The following IQCM variants were observed in gnomAD, a reference collection of about 807,000 sequenced individuals.
IQCM encodes the protein IQ motif containing M, also known as IQ domain-containing protein M.
Under a neutral mutation model 57.6 loss-of-function variants are expected in IQCM, and 45 were observed. The ratio of observed to expected loss-of-function variants is 0.78; its 90% CI spans 0.62 to 1.00. IQCM has a LOEUF of 1.00. Ranked by LOEUF, IQCM falls within the 50% of genes least tolerant of loss-of-function variation. The pLI is 0.00. For synonymous variants in IQCM, 148 were observed against 158.9 expected (o/e 0.93, Z 0.51); for missense variants, 468 against 511.6 (o/e 0.91, Z 0.82).
At chr4:149,692,441 C>A (rs1218418596) in intron 5 of IQCM, among the ~76,000 whole-genome samples, 2 of 151,882 alleles carry the variant, frequency 1.3e-5, no homozygotes, top group African/African-American at 4.8e-5. Flanking sequence ...TTTTTTAAAT[C>A]TTTATAATGA....
At chr4:149,778,173 C>G (rs1466435521) in intron 2 of IQCM, among the ~76,000 whole-genome samples, 2 of 152,116 alleles carry the variant, frequency 1.3e-5, no homozygotes, top group East Asian at 1.9e-4. Context: ...TCAGGAGATC[C>G]AGACCATCCT....
intron 2 of IQCM, among the ~76,000 whole-genome samples, chr4:149,808,662 CA>C (rs922596300): frequency 6.6e-6 from 1 of 151,956 alleles, no homozygotes; most frequent in Non-Finnish European, 1.5e-5. Context: ...CATGTATCCC[CA>C]AAATATGTAC....
At chr4:149,443,179 C>G (rs1218549199) in intron 12 of IQCM, among the ~76,000 whole-genome samples, 1 of 151,986 alleles carries the variant, frequency 6.6e-6, no homozygotes, top group Admixed American at 6.6e-5. Context: ...CAACTCATTG[C>G]ACCAGGCCTG....
chr4:149,553,612 T>TA (rs1227550374), intron 10 of IQCM, among the ~76,000 whole-genome samples: 4 of 152,210 alleles, frequency 2.6e-5, no homozygotes, highest in African/African-American at 9.6e-5. Flanking sequence ...GATGTAGTCT[T>TA]ATTAAGGTAT....
chr4:149,749,585 G>T (rs534733124), intron 2 of IQCM, among the ~76,000 whole-genome samples: 1 of 152,108 alleles, frequency 6.6e-6, no homozygotes, highest in Non-Finnish European at 1.5e-5. Flanking sequence ...ATACCTTCCA[G>T]GGGGTAGGCA....
chr4:149,482,608 T>C (rs1321621234), intron 12 of IQCM, among the ~76,000 whole-genome samples: 1 of 152,024 alleles, frequency 6.6e-6, no homozygotes, highest in Non-Finnish European at 1.5e-5. Flanking sequence ...TGAACCATCC[T>C]TGAATCCCTG....
intron 7 of IQCM, among the ~76,000 whole-genome samples, chr4:149,636,737 A>G (rs775801655): frequency 5.9e-5 from 9 of 152,252 alleles, no homozygotes; most frequent in South Asian, 2.1e-4. Context: ...TAAGAAAATG[A>G]TAAGTAGACA....
At chr4:149,719,392 C>T (rs954316217) in intron 5 of IQCM, among the ~76,000 whole-genome samples, 7 of 151,128 alleles carry the variant, frequency 4.6e-5, no homozygotes, top group South Asian at 4.2e-4. Flanking sequence ...TTCCATTAGA[C>T]CTCCAGTGAC....
Position 149,433,562 on chromosome 4 carries a change from A to C in IQCM, c.1229-5T>G. 1 of 1,067,262 alleles carries C rather than the reference A, an allele frequency of 9.4e-7. No homozygotes were observed. Among genetic ancestry groups the C allele is most frequent in the Non-Finnish European group, 1.2e-6 (1 of 838,442 alleles). 66.1% of individuals were successfully genotyped at this position (1,067,262 alleles called of 1,614,324 possible). A position where few individuals can be genotyped will look rare whatever the true frequency, so the allele number is the denominator to read the frequency against. Reference sequence around the variant, plus strand: ...CAGAATATTTTTCTTTGCCATCTATAAAGAAAAGATAAAATATATAAAATT... The same window carrying C: ...CAGAATATTTTTCTTTGCCATCTATCAAGAAAAGATAAAATATATAAAATT... On this transcript the variant is annotated splice_region_variant and splice_polypyrimidine_tract_variant and intron_variant, in intron 12 of 13. Coordinates refer to ENST00000636793, the MANE Select transcript of IQCM (RefSeq NM_001363507.2).
Position 149,368,994 on chromosome 4 carries a change from ATATATATATATATACACGTG to A in IQCM, c.1391-16948_1391-16929del, listed in dbSNP as rs1207108627. Among the ~76,000 whole-genome samples the A allele has an allele frequency of 1.5e-3, 106 of 72,738 alleles. 18 individuals carry two copies. The highest frequency in any genetic ancestry group is 5.9e-3 in the South Asian group (14 of 2,384). 47.7% of individuals were successfully genotyped at this position (72,738 alleles called of 152,430 possible). Reference sequence around the variant, plus strand: ...TATATGTGTATATATATACACGTGTATATATATATATATACACGTGTATATATATATATATACATGTGTAT... The same window carrying A: ...TATATGTGTATATATATACACGTGTATATATATATATATATACATGTGTAT... On this transcript the variant is annotated intron_variant, in intron 13 of 13. Coordinates refer to ENST00000636793, the MANE Select transcript of IQCM (RefSeq NM_001363507.2).
chr4:149,767,834 G>A (rs1770202240), intron 2 of IQCM, among the ~76,000 whole-genome samples: 1 of 152,104 alleles, frequency 6.6e-6, no homozygotes, highest in East Asian at 1.9e-4. Context: ...AATATTTCCT[G>A]AAAAATACAA....
chr4:149,594,748 C>T (rs1272399078), intron 8 of IQCM, among the ~76,000 whole-genome samples: 1 of 152,116 alleles, frequency 6.6e-6, no homozygotes, highest in African/African-American at 2.4e-5. Flanking sequence ...TGTTCAGTTG[C>T]CATGTAGTTG....
At chr4:149,795,792 C>A (rs1164675149) in intron 2 of IQCM, among the ~76,000 whole-genome samples, 2 of 152,172 alleles carry the variant, frequency 1.3e-5, no homozygotes, top group Non-Finnish European at 2.9e-5. Context: ...CAAGCCCTAG[C>A]TCCTGGATGA....
At chr4:149,729,377 T>TA (rs1766246688) in intron 5 of IQCM, among the ~76,000 whole-genome samples, 1 of 152,204 alleles carries the variant, frequency 6.6e-6, no homozygotes, top group African/African-American at 2.4e-5. Context: ...TGAAATTCTC[T>TA]AAAAAAATCT....
chr4:149,487,394 T>C (rs879230157), intron 12 of IQCM, among the ~76,000 whole-genome samples: 1 of 152,140 alleles, frequency 6.6e-6, no homozygotes, highest in Admixed American at 6.5e-5. Context: ...TGCCTGGGAT[T>C]GGGGGAGAGA....
At chr4:149,663,735 GT>G (rs1760439625) in intron 7 of IQCM, among the ~76,000 whole-genome samples, 1 of 151,970 alleles carries the variant, frequency 6.6e-6, no homozygotes, top group Non-Finnish European at 1.5e-5. Context: ...GTAACTTGAT[GT>G]TTCTCTCATG....
At chr4:149,679,491 G>A (rs1762016117) in intron 7 of IQCM, among the ~76,000 whole-genome samples, 1 of 151,508 alleles carries the variant, frequency 6.6e-6, no homozygotes, top group Non-Finnish European at 1.5e-5. Flanking sequence ...TCTATTGCAT[G>A]TTTCAAAATA....
At chr4:149,627,512 C>T (rs1756915793) in intron 7 of IQCM, among the ~76,000 whole-genome samples, 1 of 152,198 alleles carries the variant, frequency 6.6e-6, no homozygotes, top group Admixed American at 6.5e-5. Context: ...AATTTACACA[C>T]ATTACCTGAC....
intron 8 of IQCM, among the ~76,000 whole-genome samples, chr4:149,606,014 G>A (rs1754745473): frequency 6.6e-6 from 1 of 152,190 alleles, no homozygotes; most frequent in Non-Finnish European, 1.5e-5. Context: ...CCACAGCTCT[G>A]ATAGGACAGA....
Sources: gnomAD v4.1 joint callset for allele counts (sites outside exome capture counted in the v4.1 genomes callset) on GRCh38, gnomAD v4.1.1 for gene constraint, MANE v1.5 for transcripts, NCBI Gene and HGNC (gene_info 2026-07-23, HGNC 2026-07-21) for gene names.